The following TMEM232 variants were observed in gnomAD, a reference collection of about 807,000 sequenced individuals.
The protein encoded by TMEM232 is transmembrane protein 232.
TMEM232 carries 80 observed loss-of-function variants against 78.8 expected under a neutral mutation model. The observed-to-expected ratio is 1.01, with a 90% confidence interval of 0.85 to 1.22. The LOEUF (loss-of-function observed/expected upper bound fraction) is 1.22, where lower values mean the gene tolerates loss of function less well. Ranked by LOEUF, TMEM232 falls within the 50% of genes most tolerant of loss-of-function variation. The pLI, the probability that TMEM232 is intolerant of heterozygous loss-of-function variation, is 0.00. For missense variants in TMEM232, 881 were observed against 742.2 expected (o/e 1.19, Z -2.17); for synonymous variants, 297 against 254.3 (o/e 1.17, Z -1.60).
At chr5:110,641,567 CT>C (rs1435719797) in intron 3 of TMEM232, among the ~76,000 whole-genome samples, 5 of 152,114 alleles carry the variant, frequency 3.3e-5, no homozygotes, top group Admixed American at 3.3e-4. Context: ...AAAGTATACT[CT>C]TTTTCTAATC....
intron 11 of TMEM232, among the ~76,000 whole-genome samples, chr5:110,565,506 G>A (rs75693600): frequency 0.019 from 2,940 of 152,042 alleles, 73 homozygotes; most frequent in African/African-American, 0.054. Context: ...ATCGCTGTCT[G>A]TGAGCATTAG....
intron 12 of TMEM232, among the ~76,000 whole-genome samples, chr5:110,482,508 G>C (rs1187238200): frequency 1.3e-5 from 2 of 151,764 alleles, no homozygotes; most frequent in African/African-American, 4.8e-5. Flanking sequence ...TTGAACCCAG[G>C]AGGCGGATGT....
chr5:110,634,442 C>T (rs1206406718), intron 5 of TMEM232, among the ~76,000 whole-genome samples: 7 of 151,970 alleles, frequency 4.6e-5, no homozygotes, highest in Non-Finnish European at 7.4e-5. Context: ...AGATCATATG[C>T]TAGGCAAAAA....
intron 12 of TMEM232, among the ~76,000 whole-genome samples, chr5:110,453,832 A>G (rs1760582977): frequency 2.0e-5 from 3 of 152,212 alleles, no homozygotes; most frequent in African/African-American, 7.2e-5. Flanking sequence ...AGGAGCAAAA[A>G]AAAAAAAAGA....
At chr5:110,437,598 T>C (rs1758578990) in intron 12 of TMEM232, among the ~76,000 whole-genome samples, 1 of 152,020 alleles carries the variant, frequency 6.6e-6, no homozygotes, top group African/African-American at 2.4e-5. Flanking sequence ...TTATCATTAC[T>C]ACTAGTACAT....
upstream of TMEM232, among the ~76,000 whole-genome samples, chr5:110,728,707 T>C (rs188823654): frequency 1.6e-4 from 24 of 148,464 alleles, no homozygotes; most frequent in Admixed American, 1.6e-3. Context: ...AATTATTATA[T>C]ATATACCTAT....
chr5:110,673,611 C>A (rs186017025), intron 1 of TMEM232, among the ~76,000 whole-genome samples: 1 of 152,124 alleles, frequency 6.6e-6, no homozygotes, highest in Non-Finnish European at 1.5e-5. Flanking sequence ...CTAGTAGAAC[C>A]CAGCAGCTCC....
intron 11 of TMEM232, among the ~76,000 whole-genome samples, chr5:110,539,290 A>G (rs539103966): frequency 1.2e-3 from 188 of 152,300 alleles, no homozygotes; most frequent in African/African-American, 4.2e-3. Flanking sequence ...TTACTTACCC[A>G]TCGACTCTTA....
intron 12 of TMEM232, among the ~76,000 whole-genome samples, chr5:110,452,589 T>TTATCTCTGAGCAGATTC (rs1410018764): frequency 3.9e-5 from 6 of 152,242 alleles, no homozygotes; most frequent in South Asian, 2.1e-4. Context: ...TTTCATCAAA[T>TTATCTCTGAGCAGATTC]TATCTCTGAG....
chr5:110,664,820 G>A (rs145349483), intron 2 of TMEM232, among the ~76,000 whole-genome samples: 1 of 152,226 alleles, frequency 6.6e-6, no homozygotes, highest in Non-Finnish European at 1.5e-5. Context: ...CTCCACCAAC[G>A]TGACCTCATC....
intron 12 of TMEM232, among the ~76,000 whole-genome samples, chr5:110,507,858 C>T (rs563106242): frequency 1.3e-5 from 2 of 152,234 alleles, no homozygotes; most frequent in East Asian, 3.9e-4. Flanking sequence ...TTGCTGCCTG[C>T]ATGGCATGCA....
intron 12 of TMEM232, among the ~76,000 whole-genome samples, chr5:110,475,857 A>C (rs1422500661): frequency 6.6e-6 from 1 of 152,144 alleles, no homozygotes; most frequent in East Asian, 1.9e-4. Context: ...TGAGGTTCAC[A>C]CAGGGCCGGA....
intron 2 of TMEM232, among the ~76,000 whole-genome samples, chr5:110,657,028 C>T (rs907740884): frequency 6.6e-6 from 1 of 151,938 alleles, no homozygotes; most frequent in Non-Finnish European, 1.5e-5. Context: ...GTGCCATATC[C>T]ATCACTTTCA....
At chr5:110,634,085 GT>G in intron 5 of TMEM232, among the ~76,000 whole-genome samples, 1 of 151,904 alleles carries the variant, frequency 6.6e-6, no homozygotes, top group Non-Finnish European at 1.5e-5. Context: ...GTCAAAAAAG[GT>G]TTTAAAAAAA....
chr5:110,433,233 TAAAG>T (rs905843283), intron 12 of TMEM232, among the ~76,000 whole-genome samples: 1 of 151,766 alleles, frequency 6.6e-6, no homozygotes, highest in African/African-American at 2.4e-5. Flanking sequence ...TGCTCAATCA[TAAAG>T]CAAGTCTCAA....
At chr5:110,647,767 G>A (rs926789925) in intron 2 of TMEM232, among the ~76,000 whole-genome samples, 2 of 151,828 alleles carry the variant, frequency 1.3e-5, no homozygotes, top group African/African-American at 4.8e-5. Context: ...AATGTTGGTT[G>A]TGCTAACCAA....
At chr5:110,454,037 G>T (rs1760608917) in intron 12 of TMEM232, among the ~76,000 whole-genome samples, 1 of 152,064 alleles carries the variant, frequency 6.6e-6, no homozygotes, top group South Asian at 2.1e-4. Flanking sequence ...ACTGAATAAA[G>T]AAATAGACAA....
At chr5:110,721,751 TC>T (rs1291513773) in intron 1 of TMEM232, among the ~76,000 whole-genome samples, 16 of 143,998 alleles carry the variant, frequency 1.1e-4, no homozygotes, top group African/African-American at 4.0e-4. Flanking sequence ...CCAGAGCAGC[TC>T]CATTTTTACC....
At chr5:110,680,639 T>C (rs1271974145) in intron 1 of TMEM232, among the ~76,000 whole-genome samples, 2 of 152,050 alleles carry the variant, frequency 1.3e-5, no homozygotes, top group African/African-American at 4.8e-5. Context: ...AAACCTTCTC[T>C]AAAAAGAAGC....
Sources: allele counts gnomAD v4.1 joint callset (sites outside exome capture counted in the v4.1 genomes callset), GRCh38; gene constraint gnomAD v4.1.1; transcripts MANE v1.5; gene names NCBI Gene and HGNC (gene_info 2026-07-23, HGNC 2026-07-21).